Variants in RNF19A observed in about 807,000 individuals in gnomAD.
The protein encoded by RNF19A is ring finger protein 19A, RBR E3 ubiquitin protein ligase.
In RNF19A, 32 loss-of-function variants were observed where a neutral mutation model predicts 75.7. The observed-to-expected ratio is 0.42, with a 90% confidence interval of 0.32 to 0.57. RNF19A has a LOEUF of 0.57. Among genes scored for constraint, RNF19A ranks in the 20% least tolerant of loss-of-function variants. RNF19A has a pLI of 0.10. For synonymous variants in RNF19A, 335 were observed against 345.2 expected (o/e 0.97, Z 0.33); for missense variants, 782 against 1,036.3 (o/e 0.75, Z 3.37).
At chr8:100,297,210 A>T (rs1586667017) in intron 1 of RNF19A, among the ~76,000 whole-genome samples, 1 of 152,338 alleles carries the variant, frequency 6.6e-6, no homozygotes, top group East Asian at 1.9e-4. Context: ...TTAATGCCCA[A>T]TGTGAAAGAA....
chr8:100,265,201 T>C (rs970123030), intron 5 of RNF19A, among the ~76,000 whole-genome samples: 5 of 152,164 alleles, frequency 3.3e-5, no homozygotes, highest in Non-Finnish European at 7.4e-5. Context: ...ATGGTAAAAA[T>C]TGGCTTCTAG....
chr8:100,310,225 C>T (rs992984036), upstream of RNF19A: 70 of 985,062 alleles, frequency 7.1e-5, no homozygotes, highest in African/African-American at 1.7e-4. Flanking sequence ...CCACCGGGCC[C>T]GCTGCGGGCG....
At chr8:100,312,245 A>G (rs1822310884), upstream of RNF19A, 2 of 152,242 alleles carry the variant, frequency 1.3e-5, no homozygotes, top group African/African-American at 4.8e-5. Flanking sequence ...TCTTATGTCC[A>G]CGTTGCACCC....
chr8:100,274,110 A>G (rs529381884), intron 3 of RNF19A, among the ~76,000 whole-genome samples: 1 of 152,212 alleles, frequency 6.6e-6, no homozygotes, highest in Admixed American at 6.5e-5. Context: ...AAGATGAGAC[A>G]AGTAACTTGC....
At chr8:100,304,108 C>T (rs1821964047) in intron 1 of RNF19A, among the ~76,000 whole-genome samples, 1 of 152,054 alleles carries the variant, frequency 6.6e-6, no homozygotes. Flanking sequence ...AGGTGCCCAC[C>T]ACCATACCTA....
upstream of RNF19A, among the ~76,000 whole-genome samples, chr8:100,313,902 C>CTTTTTTTTTTTT (rs371385291): frequency 7.3e-3 from 966 of 132,606 alleles, 56 homozygotes; most frequent in African/African-American, 0.027. Context: ...AAGAGAACTA[C>CTTTTTTTTTTTT]TTTTTTTTTG....
rs555249139 is a variant in RNF19A at position 100,317,128 on chromosome 8, C to T, written c.-242-3756G>A. Among the ~76,000 whole-genome samples, 59 of 83,746 alleles carry T rather than the reference C, an allele frequency of 7.0e-4. No individual in the cohort carries two copies. Among genetic ancestry groups the T allele is most frequent in the South Asian group, 2.3e-3 (5 of 2,138 alleles). 54.9% of individuals were successfully genotyped at this position (83,746 alleles called of 152,430 possible). A position where few individuals can be genotyped will look rare whatever the true frequency, so the allele number is the denominator to read the frequency against. Reference sequence around the variant, plus strand: ...CGGAACTCCAGCTGGCCCGCAAGCGCCGCACGCAGCCCAGCCCGGGTTCCC... The same window carrying T: ...CGGAACTCCAGCTGGCCCGCAAGCGTCGCACGCAGCCCAGCCCGGGTTCCC... On this transcript the variant is annotated intron_variant, in intron 1 of 3. Transcript: ENST00000519527. The surrounding 1 kb of genome is among the most constrained non-coding windows in gnomAD (Gnocchi z 4.3).
At position 100,331,931 on chromosome 8, in the gene RNF19A, C is replaced by T. The variant is rs1038834215; in HGVS notation, c.-243+4177G>A. On this transcript the variant is annotated intron_variant, in intron 1 of 3. Coordinates refer to the RNF19A transcript ENST00000519527. The surrounding 1 kb of genome is among the most constrained non-coding windows in gnomAD (Gnocchi z 5.2). ...ATTACTATTAATATATCAGTACCTA[C>T]AAACTCACACAGTTCTTTTTAATGG... Among the ~76,000 whole-genome samples the T allele has an allele frequency of 3.9e-5, 6 of 152,188 alleles. No homozygotes were observed. Among genetic ancestry groups the T allele is most frequent in the Non-Finnish European group, 8.8e-5 (6 of 68,030 alleles).
chr8:100,321,414 G>T (rs1225230667), intron 1 of RNF19A, among the ~76,000 whole-genome samples: 1 of 152,164 alleles, frequency 6.6e-6, no homozygotes, highest in Non-Finnish European at 1.5e-5. Context: ...TTTATCATGA[G>T]ACTACAGCAA....
intron 1 of RNF19A, among the ~76,000 whole-genome samples, chr8:100,334,548 G>C (rs929518270): frequency 6.6e-6 from 1 of 152,096 alleles, no homozygotes; most frequent in Non-Finnish European, 1.5e-5. Flanking sequence ...AAGTATCTGG[G>C]GAGCTTTAAA....
chr8:100,309,345 T>G, intron 1 of RNF19A: 2 of 985,822 alleles, frequency 2.0e-6, no homozygotes, highest in Non-Finnish European at 2.4e-6. Context: ...GCAGCACGGC[T>G]TGCGGGGCGA....
rs971658861 is a variant in RNF19A, at chr8:100,324,157, G to A, written c.-242-10785C>T. 1.2e-4 allele frequency among the ~76,000 whole-genome samples: 19 copies of A among 152,236 alleles called. No homozygotes were observed. Among genetic ancestry groups the A allele is most frequent in the African/African-American group, 3.1e-4 (13 of 41,532 alleles). ...GCTACTATAATTTATTTTTTACAGC[G>A]GAGGAAGCCCAATCTAGATTTATAA... On this transcript the variant is annotated intron_variant, in intron 1 of 3. Transcript: ENST00000519527. The surrounding 1 kb of genome is among the most constrained non-coding windows in gnomAD (Gnocchi z 4.2).
intron 1 of RNF19A, among the ~76,000 whole-genome samples, chr8:100,299,790 G>A (rs990573069): frequency 6.6e-6 from 1 of 152,006 alleles, no homozygotes; most frequent in African/African-American, 2.4e-5. Context: ...AAAGTATTAA[G>A]TGTTTGGACT....
chr8:100,263,671 T>C (rs1819831398), intron 7 of RNF19A, among the ~76,000 whole-genome samples: 1 of 152,268 alleles, frequency 6.6e-6, no homozygotes, highest in Non-Finnish European at 1.5e-5. Context: ...CACATTTCTT[T>C]GAATAACATT....
At chr8:100,297,004 T>A (rs1247096075) in intron 1 of RNF19A, among the ~76,000 whole-genome samples, 1 of 152,144 alleles carries the variant, frequency 6.6e-6, no homozygotes, top group Non-Finnish European at 1.5e-5. Flanking sequence ...CAAACAAAGG[T>A]TAATCAATAT....
intron 1 of RNF19A, among the ~76,000 whole-genome samples, chr8:100,303,752 C>T (rs1745093093): frequency 7.0e-6 from 1 of 142,216 alleles, no homozygotes; most frequent in South Asian, 2.2e-4. Flanking sequence ...GGCAAAACCT[C>T]GCCGCTTGTA....
At position 100,275,211 on chromosome 8, in the gene RNF19A, A is replaced by G; in HGVS notation, c.675-50T>C. On this transcript the variant is annotated intron_variant, in intron 2 of 9. Transcript: ENST00000341084. This position sits in a 1 kb window ranked among gnomAD's most constrained non-coding sequence, Gnocchi z 4.3. Reference sequence around the variant, plus strand: ...TAAAATGTGACATAAAACAAGAGATACTCATTTCAAAAAGTATCCAACTAA... The same window carrying G: ...TAAAATGTGACATAAAACAAGAGATGCTCATTTCAAAAAGTATCCAACTAA... The G allele has an allele frequency of 6.6e-7, 1 of 1,511,542 alleles. No homozygotes were observed. Among genetic ancestry groups the G allele is most frequent in the Non-Finnish European group, 9.2e-7 (1 of 1,092,152 alleles). The allele number at this position is 1,511,542 out of a possible 1,614,324, so 93.6% of individuals were successfully genotyped here. A position where few individuals can be genotyped will look rare whatever the true frequency, so the allele number is the denominator to read the frequency against.
intron 1 of RNF19A, among the ~76,000 whole-genome samples, chr8:100,297,651 T>G (rs1821631547): frequency 6.6e-6 from 1 of 152,188 alleles, no homozygotes; most frequent in South Asian, 2.1e-4. Context: ...GAGGCAGAAC[T>G]TAGAGGACAG....
chr8:100,298,093 G>C (rs1057444737), intron 1 of RNF19A, among the ~76,000 whole-genome samples: 7 of 151,052 alleles, frequency 4.6e-5, no homozygotes, highest in African/African-American at 1.7e-4. Context: ...AACACATCAA[G>C]AATTCAGTGA....
Sources: gnomAD v4.1 joint callset for allele counts (sites outside exome capture counted in the v4.1 genomes callset) on GRCh38, gnomAD v4.1.1 for gene constraint, Gnocchi (gnomAD v3.1) non-coding constraint, MANE v1.5 for transcripts, NCBI Gene and HGNC (gene_info 2026-07-23, HGNC 2026-07-21) for gene names.